The following NFIB variants were observed in gnomAD, a reference collection of about 807,000 sequenced individuals.
The protein encoded by NFIB is nuclear factor 1 B-type.
Under a neutral mutation model 61.5 loss-of-function variants are expected in NFIB, and 11 were observed. The observed-to-expected ratio is 0.18, with a 90% CI of 0.11 to 0.30. The LOEUF (loss-of-function observed/expected upper bound fraction) is 0.30. Among genes scored for constraint, NFIB ranks in the 10% least tolerant of loss-of-function variants. The pLI is 1.00. For synonymous variants in NFIB, 260 were observed against 216.5 expected (o/e 1.20, Z -1.76); for missense variants, 471 against 608.9 (o/e 0.77, Z 2.38).
the NFIB span, among the ~76,000 whole-genome samples, chr9:14,456,520 T>G: frequency 1.3e-5 from 2 of 152,106 alleles, no homozygotes; most frequent in Admixed American, 1.3e-4. Context: ...CTAGGAAAAT[T>G]AAAATAAAAT....
intron 2 of NFIB, among the ~76,000 whole-genome samples, chr9:14,182,667 T>C (rs2046903938): frequency 7.5e-6 from 1 of 133,212 alleles, no homozygotes; most frequent in East Asian, 2.1e-4. Flanking sequence ...TCCATCACTT[T>C]GCTCAACACC....
intron 6 of NFIB, among the ~76,000 whole-genome samples, chr9:14,133,918 A>G (rs970651994): frequency 2.3e-5 from 3 of 133,172 alleles, no homozygotes; most frequent in Admixed American, 7.1e-5. Flanking sequence ...TGTGTCCTGA[A>G]GGAGGAAGAA....
At chr9:14,132,845 T>G (rs1397990507) in intron 6 of NFIB, among the ~76,000 whole-genome samples, 2 of 152,188 alleles carry the variant, frequency 1.3e-5, no homozygotes, top group African/African-American at 4.8e-5. Flanking sequence ...GATTATAGGC[T>G]TGATTCATTG....
Position 14,221,263 on chromosome 9 carries a change from T to C in NFIB, c.563-41483A>G, listed in dbSNP as rs1021145562. Among the ~76,000 whole-genome samples the C allele has an allele frequency of 2.0e-5, 3 of 152,280 alleles. No individual in the cohort carries two copies. In the East Asian group the frequency reaches 5.8e-4, roughly 29 times the overall value. On this transcript the variant is annotated intron_variant, in intron 2 of 10. Transcript: ENST00000380953. Reference sequence around the variant, plus strand: ...CCAAAGTTTCCTATTCCTTGAATAATATTGCAAATAGTTACTAAGATGCCA... The same window carrying C: ...CCAAAGTTTCCTATTCCTTGAATAACATTGCAAATAGTTACTAAGATGCCA...
At chr9:14,482,049 A>G in the NFIB span, among the ~76,000 whole-genome samples, 42 of 152,036 alleles carry the variant, frequency 2.8e-4, no homozygotes, top group African/African-American at 9.9e-4. Flanking sequence ...GAATGTTGGA[A>G]TACTGAGACG....
intron 2 of NFIB, among the ~76,000 whole-genome samples, chr9:14,199,149 G>C (rs1182250094): frequency 6.6e-6 from 1 of 150,828 alleles, no homozygotes; most frequent in Non-Finnish European, 1.5e-5. Flanking sequence ...GAACACAGAA[G>C]GATTAAAAAG....
At chr9:14,486,138 C>G in the NFIB span, among the ~76,000 whole-genome samples, 1 of 152,142 alleles carries the variant, frequency 6.6e-6, no homozygotes, top group East Asian at 1.9e-4. Flanking sequence ...CTTGGTCAAG[C>G]GTGTATGTGA....
At chr9:14,148,123 TTTTGTTTG>T (rs1042440294) in intron 5 of NFIB, among the ~76,000 whole-genome samples, 1 of 152,088 alleles carries the variant, frequency 6.6e-6, no homozygotes, top group African/African-American at 2.4e-5. Context: ...TCTTTTCTTT[TTTTGTTTG>T]TTTGTTTTTG....
intron 1 of NFIB, among the ~76,000 whole-genome samples, chr9:14,308,513 A>G (rs1248124876): frequency 2.0e-5 from 3 of 152,212 alleles, no homozygotes; most frequent in African/African-American, 4.8e-5. Context: ...AATTATTCTA[A>G]ACCTCTTAAA....
At chr9:14,465,445 C>G in the NFIB span, among the ~76,000 whole-genome samples, 5 of 152,098 alleles carry the variant, frequency 3.3e-5, no homozygotes, top group African/African-American at 1.2e-4. Context: ...GAAATCTGCT[C>G]TCTGAATTCA....
intron 1 of NFIB, chr9:14,357,192 G>A (rs546337500): frequency 1.3e-5 from 2 of 152,228 alleles, no homozygotes; most frequent in South Asian, 2.1e-4. Context: ...AGTCACACAA[G>A]GGAGAAAATT....
intron 2 of NFIB, among the ~76,000 whole-genome samples, chr9:14,296,843 C>A (rs772179297): frequency 8.5e-5 from 13 of 152,196 alleles, no homozygotes; most frequent in African/African-American, 2.9e-4. Flanking sequence ...ATATGCTGAA[C>A]GTCTTAAGCA....
rs1198853261 is a variant in NFIB at position 14,313,544 on chromosome 9, G to A, written c.-33C>T. ...CCTTAAAACGCACTTTCCGGGAGAT[G>A]CCCAAGAAAATCTTCGAGAAGCAAG... On this transcript the variant is annotated 5_prime_UTR_variant, in exon 1 of 11. Coordinates refer to ENST00000380953, the MANE Select transcript of NFIB (RefSeq NM_001190737.2). This position sits in a 1 kb window ranked among gnomAD's most constrained non-coding sequence, Gnocchi z 4.5. 4 of 1,613,254 alleles carry A rather than the reference G, an allele frequency of 2.5e-6. No homozygotes were observed. In the South Asian group the frequency reaches 3.3e-5, roughly 13 times the overall value.
chr9:14,485,027 T>A, the NFIB span, among the ~76,000 whole-genome samples: 2 of 152,130 alleles, frequency 1.3e-5, no homozygotes, highest in African/African-American at 2.4e-5. Flanking sequence ...AGAGAGAGAT[T>A]GATTGATTCC....
chr9:14,105,237 T>C (rs2036387836), intron 10 of NFIB, among the ~76,000 whole-genome samples: 1 of 152,202 alleles, frequency 6.6e-6, no homozygotes, highest in Non-Finnish European at 1.5e-5. Flanking sequence ...TTCATTATCA[T>C]CTATTTAAGA....
chr9:14,513,627 CAA>C, the NFIB span, among the ~76,000 whole-genome samples: 3 of 113,764 alleles, frequency 2.6e-5, no homozygotes, highest in Non-Finnish European at 3.5e-5. Flanking sequence ...GACTCCATCT[CAA>C]AAAAAAAAAA....
At chr9:14,089,086 A>C (rs1005513219) in intron 10 of NFIB, among the ~76,000 whole-genome samples, 1 of 152,124 alleles carries the variant, frequency 6.6e-6, no homozygotes, top group Non-Finnish European at 1.5e-5. Context: ...ATAGCTCTCC[A>C]GCAGTTTTCT....
At chr9:14,323,106 C>G (rs992773003) in intron 1 of NFIB, among the ~76,000 whole-genome samples, 1 of 152,236 alleles carries the variant, frequency 6.6e-6, no homozygotes, top group Non-Finnish European at 1.5e-5. Flanking sequence ...TAGGAGGACT[C>G]CCGAAATGTT....
chr9:14,301,698 C>A (rs1162459528), intron 2 of NFIB, among the ~76,000 whole-genome samples: 2 of 152,152 alleles, frequency 1.3e-5, no homozygotes, highest in Non-Finnish European at 2.9e-5. Context: ...CAACTGGGGC[C>A]TCAGAGTTTA....
Sources: allele counts gnomAD v4.1 joint callset (sites outside exome capture counted in the v4.1 genomes callset), GRCh38; gene constraint gnomAD v4.1.1; non-coding constraint Gnocchi (gnomAD v3.1); transcripts MANE v1.5; gene names NCBI Gene and HGNC (gene_info 2026-07-23, HGNC 2026-07-21).